Variants in MEMO1 observed in about 807,000 individuals in gnomAD.
MEMO1 encodes mediator of cell motility 1, also known as protein MEMO1.
Under a neutral mutation model 45.2 loss-of-function variants are expected in MEMO1, and 6 were observed. The observed-to-expected ratio is 0.13, with a 90% CI of 0.07 to 0.26. The LOEUF is 0.26. Among genes scored for constraint, MEMO1 ranks in the 10% least tolerant of loss-of-function variants. The pLI is 1.00. For synonymous variants in MEMO1, 78 were observed against 124.3 expected, an observed-to-expected ratio of 0.63 and a Z score of 2.48; for missense variants, 184 against 370.5, an observed-to-expected ratio of 0.50 and a Z score of 4.13.
At chr2:32,008,339 A>G (rs1214502088) in intron 2 of MEMO1, among the ~76,000 whole-genome samples, 2 of 152,244 alleles carry the variant, frequency 1.3e-5, no homozygotes, top group Non-Finnish European at 2.9e-5. Context: ...TAATCCCAGG[A>G]CTTTGGGAGG....
intron 2 of MEMO1, among the ~76,000 whole-genome samples, chr2:31,995,684 T>C (rs1672505125): frequency 6.6e-6 from 1 of 151,258 alleles, no homozygotes; most frequent in Admixed American, 6.6e-5. Flanking sequence ...GACTGGAGTG[T>C]CAGAAATACA....
intron 2 of MEMO1, among the ~76,000 whole-genome samples, chr2:31,949,300 T>C (rs1666549391): frequency 6.6e-6 from 1 of 152,196 alleles, no homozygotes; most frequent in Non-Finnish European, 1.5e-5. Context: ...ATTGAAGGGA[T>C]ACCTGCACTC....
chr2:31,946,637 G>A (rs937441402), intron 2 of MEMO1, among the ~76,000 whole-genome samples: 3 of 152,090 alleles, frequency 2.0e-5, no homozygotes, highest in Admixed American at 1.3e-4. Flanking sequence ...CAACACAGGT[G>A]GATCACCTGA....
Position 31,873,234 on chromosome 2 carries a change from T to G in MEMO1, c.658-3282A>C, listed in dbSNP as rs563737528. On this transcript the variant is annotated intron_variant, in intron 8 of 9. Coordinates refer to ENST00000404530, the MANE Select transcript of MEMO1 (RefSeq NM_001301833.4). ...ATAAACTTAACCTAATGTGGAGGAG[T>G]GAAATGGGTCACTATACTACCCATT... Among the ~76,000 whole-genome samples the G allele has an allele frequency of 1.1e-3, 162 of 152,138 alleles. 1 individual carries two copies. The highest frequency in any genetic ancestry group is 3.9e-3 in the African/African-American group (160 of 41,524).
At chr2:31,899,365 C>T (rs1678412976) in intron 6 of MEMO1, among the ~76,000 whole-genome samples, 1 of 152,102 alleles carries the variant, frequency 6.6e-6, no homozygotes, top group Non-Finnish European at 1.5e-5. Context: ...GAACAGAGGC[C>T]TCAGAAATAA....
chr2:31,980,554 T>G (rs1436864252), intron 2 of MEMO1, among the ~76,000 whole-genome samples: 6 of 152,226 alleles, frequency 3.9e-5, no homozygotes, highest in Non-Finnish European at 8.8e-5. Context: ...CTCTGTCATT[T>G]CACATGGCTT....
chr2:31,893,352 C>T, intron 6 of MEMO1: 2 of 1,148,926 alleles, frequency 1.7e-6, no homozygotes, highest in South Asian at 1.8e-5. Context: ...AGGAAGCTGG[C>T]AGAGGAAGCT....
chr2:31,903,073 T>C (rs1392958189), intron 6 of MEMO1, among the ~76,000 whole-genome samples: 1 of 152,146 alleles, frequency 6.6e-6, no homozygotes, highest in Non-Finnish European at 1.5e-5. Flanking sequence ...TTAACAAATT[T>C]ATGAAATATA....
chr2:31,929,398 A>C (rs1314478953), intron 4 of MEMO1, among the ~76,000 whole-genome samples: 3 of 151,978 alleles, frequency 2.0e-5, no homozygotes, highest in Admixed American at 2.0e-4. Flanking sequence ...ATGTAATTTA[A>C]TTATAATTTA....
intron 6 of MEMO1, among the ~76,000 whole-genome samples, chr2:31,911,966 T>C (rs1201558307): frequency 1.3e-5 from 2 of 152,114 alleles, no homozygotes; most frequent in Non-Finnish European, 2.9e-5. Flanking sequence ...TTTTGGAAGA[T>C]ACTAATTTTT....
intron 2 of MEMO1, among the ~76,000 whole-genome samples, chr2:31,970,555 T>A (rs1669263343): frequency 6.6e-6 from 1 of 152,274 alleles, no homozygotes; most frequent in South Asian, 2.1e-4. Flanking sequence ...GTTTACTATC[T>A]GTTATCATCT....
At position 31,872,123 on chromosome 2, in the gene MEMO1, G is replaced by A. The variant is rs533521363; in HGVS notation, c.658-2171C>T. 2.6e-5 allele frequency among the ~76,000 whole-genome samples: 4 copies of A among 152,090 alleles called. No homozygotes were observed. The East Asian group carries it at 7.7e-4, about 29-fold the overall frequency. Reference sequence around the variant, plus strand: ...TACATTTCTAACCCAAGAATGGATTGTAGTAATGCAGAGATGGAGTTATAA... The same window carrying A: ...TACATTTCTAACCCAAGAATGGATTATAGTAATGCAGAGATGGAGTTATAA... On this transcript the variant is annotated intron_variant, in intron 8 of 9. Transcript: ENST00000404530.
At chr2:32,002,144 CAAAAAAAAA>C (rs1156408005) in intron 2 of MEMO1, among the ~76,000 whole-genome samples, 1 of 55,694 alleles carries the variant, frequency 1.8e-5, no homozygotes, top group African/African-American at 6.9e-5. Context: ...GACTCTGTCT[CAAAAAAAAA>C]AAAAAAAAAA....
At chr2:31,978,413 G>C (rs1670257885) in intron 2 of MEMO1, among the ~76,000 whole-genome samples, 1 of 152,102 alleles carries the variant, frequency 6.6e-6, no homozygotes, top group Non-Finnish European at 1.5e-5. Context: ...AAAGAGAAAT[G>C]CAAGTGCAAA....
At chr2:31,904,298 T>C (rs527505498) in intron 6 of MEMO1, among the ~76,000 whole-genome samples, 10 of 152,362 alleles carry the variant, frequency 6.6e-5, no homozygotes, top group African/African-American at 2.4e-4. Context: ...CTATACCAGC[T>C]TGCTGAGATT....
intron 3 of MEMO1, among the ~76,000 whole-genome samples, chr2:31,935,538 C>T (rs1664809896): frequency 6.6e-6 from 1 of 151,998 alleles, no homozygotes; most frequent in Non-Finnish European, 1.5e-5. Flanking sequence ...TTCGAGGCTA[C>T]ACTGCAGAGT....
intron 2 of MEMO1, among the ~76,000 whole-genome samples, chr2:31,975,596 G>T (rs1200476309): frequency 1.3e-5 from 2 of 152,132 alleles, no homozygotes. Flanking sequence ...TTCTTCCTAA[G>T]AAGCAGAACA....
intron 7 of MEMO1, 142 bp from the exon 8 acceptor site, chr2:31,883,604 T>G (rs1675728382): frequency 3.4e-6 from 2 of 584,058 alleles, no homozygotes. Flanking sequence ...CAAGAGCCCT[T>G]GTACATAAAA....
chr2:31,875,688 T>A (rs1344396792), intron 8 of MEMO1, among the ~76,000 whole-genome samples: 1 of 151,954 alleles, frequency 6.6e-6, no homozygotes. Context: ...CTACTTCCTT[T>A]ATTTTTTTTC....
Sources: allele counts gnomAD v4.1 joint callset (sites outside exome capture counted in the v4.1 genomes callset), GRCh38; gene constraint gnomAD v4.1.1; transcripts MANE v1.5; gene names NCBI Gene and HGNC (gene_info 2026-07-23, HGNC 2026-07-21).